The following STYXL2 variants were observed in gnomAD, a reference collection of about 807,000 sequenced individuals.
The protein encoded by STYXL2 is serine/threonine/tyrosine interacting like 2.
Under a neutral mutation model 52.4 loss-of-function variants are expected in STYXL2, and 44 were observed. That is an observed-to-expected ratio of 0.84 (90% CI 0.66 to 1.08). The LOEUF (loss-of-function observed/expected upper bound fraction) is 1.08, where lower values mean the gene tolerates loss of function less well. Among genes scored for constraint, STYXL2 ranks in the 50% least tolerant of loss-of-function variants. The pLI, the probability that STYXL2 is intolerant of heterozygous loss-of-function variation, is 0.00. For missense variants in STYXL2, 1,604 were observed against 1,471.7 expected, an observed-to-expected ratio of 1.09 and a Z score of -1.47; for synonymous variants, 604 against 586.9, an observed-to-expected ratio of 1.03 and a Z score of -0.42.
chr1:167,098,638 T>C (rs1181720405), intron 2 of STYXL2, among the ~76,000 whole-genome samples: 7 of 152,204 alleles, frequency 4.6e-5, no homozygotes, highest in Admixed American at 1.3e-4. Flanking sequence ...GGTTAGCCTG[T>C]CTTTGCTCCA....
chr1:167,117,113 C>G (rs188997148), intron 3 of STYXL2, among the ~76,000 whole-genome samples: 23 of 152,342 alleles, frequency 1.5e-4, no homozygotes, highest in African/African-American at 5.3e-4. Context: ...TTACCCACAT[C>G]TATACAGTCT....
chr1:167,113,863 A>AG, intron 3 of STYXL2, 59 bp downstream of exon 3: 2 of 1,351,934 alleles, frequency 1.5e-6, no homozygotes, highest in East Asian at 2.3e-5. Flanking sequence ...AGACCCTTAG[A>AG]GGGGGGCCAT....
chr1:167,119,158 C>A, intron 4 of STYXL2, 91 bp from the exon 5 acceptor site: 1 of 1,233,260 alleles, frequency 8.1e-7, no homozygotes, highest in Non-Finnish European at 1.2e-6. Context: ...CAGCTGTGGC[C>A]CTAGACTGGC....
intron 2 of STYXL2, among the ~76,000 whole-genome samples, chr1:167,097,604 A>G (rs2102219405): frequency 6.6e-6 from 1 of 152,288 alleles, no homozygotes; most frequent in African/African-American, 2.4e-5. Context: ...ATAAAATAAT[A>G]AAATATAATC....
At position 167,119,486 on chromosome 1, in the gene STYXL2, C is replaced by T; in HGVS notation, c.655+20C>T. ...ACAGAGGTGAGAGGGATCTGCCGCTCCAGGCTGCTGGAATTCCACGGGGGA... is the reference window on the plus strand; with the variant it reads ...ACAGAGGTGAGAGGGATCTGCCGCTTCAGGCTGCTGGAATTCCACGGGGGA... On this transcript the variant is annotated intron_variant, in intron 5 of 5. Coordinates refer to ENST00000361200, the MANE Select transcript of STYXL2 (RefSeq NM_001080426.3). 6.2e-7 allele frequency: 1 copy of T among 1,607,100 alleles called. No individual in the cohort carries two copies. The highest frequency in any genetic ancestry group is 1.1e-5 in the South Asian group (1 of 90,824).
In STYXL2 at chr1:167,094,710, C is replaced by G. The variant is rs555190849; in HGVS notation, c.-16-124C>G. On this transcript the variant is annotated intron_variant, in intron 1 of 5. Coordinates refer to ENST00000361200, the MANE Select transcript of STYXL2 (RefSeq NM_001080426.3). Reference sequence around the variant, plus strand: ...GTCTGACTGGATATTCCTTGCTGGTCTTTTGCCCACCGGGACCTTCCTAGT... The same window carrying G: ...GTCTGACTGGATATTCCTTGCTGGTGTTTTGCCCACCGGGACCTTCCTAGT... 275 of 667,660 alleles carry G rather than the reference C, an allele frequency of 4.1e-4. 4 individuals carry two copies. In the South Asian group the frequency reaches 4.9e-3, roughly 12 times the overall value. 41.4% of individuals were successfully genotyped at this position (667,660 alleles called of 1,614,324 possible).
At chr1:167,115,452 C>G (rs1192875943) in intron 3 of STYXL2, among the ~76,000 whole-genome samples, 1 of 152,042 alleles carries the variant, frequency 6.6e-6, no homozygotes, top group Admixed American at 6.6e-5. Context: ...GAAGTGTGAA[C>G]CAGAGACCTA....
At chr1:167,121,862 G>C (rs1667864025) in intron 5 of STYXL2, among the ~76,000 whole-genome samples, 2 of 152,202 alleles carry the variant, frequency 1.3e-5, no homozygotes. Context: ...GGCAGCGAAA[G>C]GCCCTTATTG....
intron 3 of STYXL2, among the ~76,000 whole-genome samples, chr1:167,116,868 T>C (rs1039007815): frequency 6.6e-6 from 1 of 152,160 alleles, no homozygotes; most frequent in Non-Finnish European, 1.5e-5. Context: ...CAGATTGGTC[T>C]TGAACTGCTG....
rs763114808 is a variant in STYXL2, at chr1:167,126,673, G to T, written c.1542G>T (p.Arg514Ser). The part of the protein sequence containing the change: ...AADRSSEAGS[R>S]VREDDEDSVG... The stretch of plus-strand genomic sequence containing the variant: ...ACAGGAGCTCAGAAGCAGGGAGCAG[G>T]GTGCGGGAGGATGATGAGGACAGCG... Residue 514 changes from arginine to serine, a missense_variant, in exon 6 of 6, where the codon AGG (arginine) becomes AGT (serine). Arg to Ser is a moderately radical substitution (Grantham distance 110). Coordinates refer to ENST00000361200, the MANE Select transcript of STYXL2 (RefSeq NM_001080426.3). 1 of 1,614,170 alleles carries T rather than the reference G, an allele frequency of 6.2e-7. No individual in the cohort carries two copies. Among genetic ancestry groups the T allele is most frequent in the Non-Finnish European group, 8.5e-7 (1 of 1,180,030 alleles).
intron 2 of STYXL2, among the ~76,000 whole-genome samples, chr1:167,111,646 T>A (rs1558021288): frequency 2.0e-5 from 3 of 151,632 alleles, no homozygotes; most frequent in South Asian, 2.1e-4. Context: ...AACTCAGGAA[T>A]GGAAAACCAA....
intron 5 of STYXL2, among the ~76,000 whole-genome samples, chr1:167,124,811 T>G (rs1192684998): frequency 6.6e-6 from 1 of 152,138 alleles, no homozygotes; most frequent in Non-Finnish European, 1.5e-5. Context: ...TGACATATCC[T>G]CCCATATTGC....
At position 167,127,293 on chromosome 1, in the gene STYXL2, C is replaced by T. The variant is rs1453739132; in HGVS notation, c.2162C>T (p.Ala721Val). 5.0e-6 allele frequency: 8 copies of T among 1,614,088 alleles called. No homozygotes were observed. In the South Asian group the frequency reaches 7.7e-5, roughly 16 times the overall value. ...GGGCCTGGAGACACCATTTCCATTG[C>T]CAGTATCCAGAACTGGATTGCCAAT... Reference protein sequence around the residue: ...PVGPGDTISIASIQNWIANVV... With the variant: ...PVGPGDTISIVSIQNWIANVV... The change falls in exon 6 of 6, where the codon GCC (alanine) becomes GTC (valine). Residue 721 changes from alanine (A) to valine (V), a missense_variant. By Grantham distance (64) the Ala-to-Val change is moderately conservative. Coordinates refer to ENST00000361200, the MANE Select transcript of STYXL2 (RefSeq NM_001080426.3).
chr1:167,120,829 CATATATATATATAT>C (rs71587032), intron 5 of STYXL2, among the ~76,000 whole-genome samples: 5,091 of 114,398 alleles, frequency 0.045, 315 homozygotes, highest in Non-Finnish European at 0.065. Context: ...GTGTAAATTA[CATATATATATATAT>C]ATATATATAT....
At position 167,126,831 on chromosome 1, in the gene STYXL2, G is replaced by A; in HGVS notation, c.1700G>A (p.Ser567Asn). Residue 567 changes from serine (S) to asparagine (N), a missense_variant, in exon 6 of 6, where the codon AGC becomes AAC. Physicochemically the swap from Ser to Asn is conservative, Grantham distance 46. Transcript: ENST00000361200. ...AAAGACTTGGGAGCGGGAGACAGCA[G>A]CGGTGAGCCCGGTGCAGAGGAGGCA... ...HKKDLGAGDS[S>N]GEPGAEEAVG... 6.2e-7 allele frequency: 1 copy of A among 1,614,254 alleles called. No individual in the cohort carries two copies. The highest frequency in any genetic ancestry group is 8.5e-7 in the Non-Finnish European group (1 of 1,180,040).
intron 5 of STYXL2, among the ~76,000 whole-genome samples, chr1:167,123,448 G>A (rs558794914): frequency 2.6e-5 from 4 of 152,328 alleles, no homozygotes; most frequent in African/African-American, 4.8e-5. Context: ...AGTTGGTCTC[G>A]TGATTCCACC....
At chr1:167,095,012 G>T in intron 2 of STYXL2, 53 bp downstream of exon 2, 1 of 1,422,232 alleles carries the variant, frequency 7.0e-7, no homozygotes, top group Non-Finnish European at 9.7e-7. Context: ...AGGGGCTGGG[G>T]ACAGGTTGGG....
At chr1:167,117,619 G>A in intron 4 of STYXL2, 60 bp downstream of exon 4, 1 of 1,465,402 alleles carries the variant, frequency 6.8e-7, no homozygotes, top group South Asian at 1.3e-5. Flanking sequence ...GCCTGAGACA[G>A]ACGAAACTCC....
rs1355328489 is a variant in STYXL2, at chr1:167,126,706, T to C, written c.1575T>C (p.Ser525=). The change falls in exon 6 of 6, where the codon TCT becomes TCC. Residue 525 remains serine (S), a synonymous_variant. Coordinates refer to ENST00000361200, the MANE Select transcript of STYXL2 (RefSeq NM_001080426.3). ...AGGATGATGAGGACAGCGTGGGCTC[T>C]GAGGCCAGTTCCTTCTACAACTTCT... ...VREDDEDSVG[S]EASSFYNFCS... is the part of the protein sequence containing the mutation. 6.2e-7 allele frequency: 1 copy of C among 1,614,058 alleles called. No homozygotes were observed. The highest frequency in any genetic ancestry group is 8.5e-7 in the Non-Finnish European group (1 of 1,180,030).
Sources: gnomAD v4.1 joint callset for allele counts (sites outside exome capture counted in the v4.1 genomes callset) on GRCh38, gnomAD v4.1.1 for gene constraint, MANE v1.5 for transcripts, NCBI Gene and HGNC (gene_info 2026-07-23, HGNC 2026-07-21) for gene names.